The following ST18 variants were observed in gnomAD, a reference collection of about 807,000 sequenced individuals.
ST18 encodes suppression of tumorigenicity 18 protein.
In ST18, 50 loss-of-function variants were observed where a neutral mutation model predicts 110.0. The ratio of observed to expected loss-of-function variants is 0.45; its 90% CI spans 0.36 to 0.58. The LOEUF (loss-of-function observed/expected upper bound fraction) is 0.58. Ranked by LOEUF, ST18 falls within the 20% of genes least tolerant of loss-of-function variation. ST18 has a pLI of 0.00. For missense variants in ST18, 1,306 were observed against 1,280.1 expected, an observed-to-expected ratio of 1.02 and a Z score of -0.31; for synonymous variants, 461 against 452.4, an observed-to-expected ratio of 1.02 and a Z score of -0.24.
chr8:52,141,588 G>A (rs1302991282), intron 17 of ST18, among the ~76,000 whole-genome samples: 2 of 152,150 alleles, frequency 1.3e-5, no homozygotes, highest in Non-Finnish European at 2.9e-5. Context: ...CTGGGAATGG[G>A]AGCATCAGGG....
At position 52,340,902 on chromosome 8, in the gene ST18, G is replaced by A. The variant is rs1053648073; in HGVS notation, c.-465+68426C>T. 2.6e-5 allele frequency among the ~76,000 whole-genome samples: 4 copies of A among 152,268 alleles called. No individual in the cohort carries two copies. In the East Asian group the frequency reaches 7.7e-4, roughly 29 times the overall value. On this transcript the variant is annotated intron_variant, in intron 2 of 25. Coordinates refer to ENST00000689386, the MANE Select transcript of ST18 (RefSeq NM_001352837.2). ...ATGAGAAGGGCTAGTTCCAAGAAAC[G>A]TTTCACAAAAGAACTTAGAGTTTCT...
At position 52,354,199 on chromosome 8, in the gene ST18, T is replaced by G. The variant is rs111947970; in HGVS notation, c.-465+55129A>C. Among the ~76,000 whole-genome samples the G allele has an allele frequency of 5.8e-4, 89 of 152,314 alleles. 1 individual carries two copies. Among genetic ancestry groups the G allele is most frequent in the African/African-American group, 2.0e-3 (85 of 41,560 alleles). On this transcript the variant is annotated intron_variant, in intron 2 of 25. Transcript: ENST00000689386. ...TGAAATGGGGAGTGACTGGAGAATT[T>G]TGAGAAGCAGAGAGACATGATCTAA...
rs10088824 is a variant in ST18 at position 52,273,394 on chromosome 8, A to G, written c.-464-43317T>C. Among the ~76,000 whole-genome samples, 1,063 of 152,352 alleles carry G rather than the reference A, an allele frequency of 7.0e-3. 11 individuals are homozygous for G. Among genetic ancestry groups the G allele is most frequent in the African/African-American group, 0.023 (975 of 41,586 alleles). ...ATTCACAAAAGTTGTAATTCATAGG[A>G]GATCTTAATAAAAATCGTTTTGAAA... On this transcript the variant is annotated intron_variant, in intron 2 of 25. Coordinates refer to ENST00000689386, the MANE Select transcript of ST18 (RefSeq NM_001352837.2).
At chr8:52,200,305 G>T (rs1290063577) in intron 8 of ST18, among the ~76,000 whole-genome samples, 3 of 152,216 alleles carry the variant, frequency 2.0e-5, no homozygotes, top group Admixed American at 2.0e-4. Context: ...TGGAATAAGT[G>T]CTTGTAATTG....
At position 52,172,331 on chromosome 8, in the gene ST18, T is replaced by C; in HGVS notation, c.530A>G (p.Asp177Gly). Residue 177 changes from aspartate (D) to glycine (G), a missense_variant, in exon 10 of 26, where the codon GAC (aspartate) becomes GGC (glycine). Physicochemically the swap from Asp to Gly is moderately conservative, Grantham distance 94 (BLOSUM62 -1). Transcript: ENST00000689386. ...CFLIHSDDGRDKIDDSQPPFC... is the reference protein window; with the variant it reads ...CFLIHSDDGRGKIDDSQPPFC... ...GGGTGGCTGAGAATCATCAATCTTG[T>C]CTCTTCCATCATCAGAATGAATCAG... The C allele has an allele frequency of 6.2e-7, 1 of 1,614,206 alleles. No individual in the cohort carries two copies. The highest frequency in any genetic ancestry group is 2.2e-5 in the East Asian group (1 of 44,878).
chr8:52,368,916 G>A (rs1015257068), intron 2 of ST18, among the ~76,000 whole-genome samples: 2 of 152,040 alleles, frequency 1.3e-5, no homozygotes, highest in African/African-American at 4.8e-5. Context: ...GCTCAGCCTG[G>A]GTGGGGCACT....
chr8:52,365,993 G>A (rs1004122581), intron 2 of ST18, among the ~76,000 whole-genome samples: 1 of 151,864 alleles, frequency 6.6e-6, no homozygotes, highest in Non-Finnish European at 1.5e-5. Context: ...TGTATCTCAT[G>A]GATTACTTCA....
chr8:52,142,008 G>C (rs1284372835), intron 17 of ST18, among the ~76,000 whole-genome samples: 1 of 152,306 alleles, frequency 6.6e-6, no homozygotes, highest in Non-Finnish European at 1.5e-5. Flanking sequence ...CAGAGGTGAG[G>C]CATCCTAGAG....
chr8:52,205,926 G>C (rs965893875), intron 8 of ST18, among the ~76,000 whole-genome samples: 1 of 152,154 alleles, frequency 6.6e-6, no homozygotes. Context: ...GGGTTTGTCT[G>C]AAGGTTAGGA....
At chr8:52,278,392 A>T (rs557371058) in intron 2 of ST18, among the ~76,000 whole-genome samples, 1 of 152,378 alleles carries the variant, frequency 6.6e-6, no homozygotes, top group East Asian at 1.9e-4. Context: ...TTATTAAATA[A>T]CATATACATG....
At chr8:52,228,515 T>C (rs1392541940) in intron 3 of ST18, among the ~76,000 whole-genome samples, 2 of 152,182 alleles carry the variant, frequency 1.3e-5, no homozygotes, top group Non-Finnish European at 2.9e-5. Context: ...GCACTCACCA[T>C]AAGTAAAGAC....
chr8:52,294,002 A>G (rs1038487213), intron 2 of ST18, among the ~76,000 whole-genome samples: 1 of 152,278 alleles, frequency 6.6e-6, no homozygotes, highest in African/African-American at 2.4e-5. Flanking sequence ...CCGCTTTTCC[A>G]TATGCTTTTG....
At chr8:52,398,419 C>A (rs536629347) in intron 2 of ST18, among the ~76,000 whole-genome samples, 1 of 152,240 alleles carries the variant, frequency 6.6e-6, no homozygotes, top group East Asian at 1.9e-4. Flanking sequence ...CTTTTCTTAT[C>A]TGACTGCTTT....
intron 15 of ST18, chr8:52,154,868 A>G (rs1442153384): frequency 6.7e-6 from 1 of 148,546 alleles, no homozygotes; most frequent in Non-Finnish European, 1.5e-5. Context: ...GTGACAGAGC[A>G]GATCCTCTCA....
chr8:52,330,677 G>A (rs10448049), intron 2 of ST18, among the ~76,000 whole-genome samples: 5,046 of 152,316 alleles, frequency 0.033, 152 homozygotes, highest in East Asian at 0.085. Flanking sequence ...GGAGATGACC[G>A]GCTCTGGGCA....
chr8:52,389,194 C>G (rs994298502), intron 2 of ST18, among the ~76,000 whole-genome samples: 1 of 152,092 alleles, frequency 6.6e-6, no homozygotes, highest in Non-Finnish European at 1.5e-5. Context: ...CCTTTGGAGG[C>G]GAGCGCGGAG....
At chr8:52,249,884 T>C (rs1320217097) in intron 2 of ST18, among the ~76,000 whole-genome samples, 2 of 152,208 alleles carry the variant, frequency 1.3e-5, no homozygotes, top group Non-Finnish European at 2.9e-5. Context: ...ATTTGAAATT[T>C]AATTTCTGTC....
At chr8:52,396,177 A>G (rs1470188370) in intron 2 of ST18, among the ~76,000 whole-genome samples, 1 of 152,146 alleles carries the variant, frequency 6.6e-6, no homozygotes, top group East Asian at 1.9e-4. Flanking sequence ...CTTATTTACA[A>G]AAATCCCTAT....
At chr8:52,213,636 C>T (rs962652912) in intron 7 of ST18, among the ~76,000 whole-genome samples, 10 of 152,032 alleles carry the variant, frequency 6.6e-5, no homozygotes, top group African/African-American at 2.4e-4. Context: ...TCATCAAGGG[C>T]CTGTTTATAT....
Sources: allele counts gnomAD v4.1 joint callset (sites outside exome capture counted in the v4.1 genomes callset), GRCh38; gene constraint gnomAD v4.1.1; transcripts MANE v1.5; gene names NCBI Gene and HGNC (gene_info 2026-07-23, HGNC 2026-07-21).